ZNF106: variants seen among roughly 807,000 people sequenced by gnomAD.
The protein encoded by ZNF106 is zinc finger protein 106.
ZNF106 carries 67 observed loss-of-function variants against 195.1 expected under a neutral mutation model. The ratio of observed to expected loss-of-function variants is 0.34; its 90% confidence interval spans 0.28 to 0.42. The LOEUF (loss-of-function observed/expected upper bound fraction) is 0.42, where lower values mean the gene tolerates loss of function less well. Among genes scored for constraint, ZNF106 ranks in the 10% least tolerant of loss-of-function variants. ZNF106 has a pLI of 1.00. For missense variants in ZNF106, 2,118 were observed against 2,304.5 expected (o/e 0.92, Z 1.66); for synonymous variants, 784 against 818.6 (o/e 0.96, Z 0.72).
chr15:42,432,384 T>G (rs964959292), intron 14 of ZNF106, among the ~76,000 whole-genome samples: 3 of 151,490 alleles, frequency 2.0e-5, no homozygotes, highest in Non-Finnish European at 2.9e-5. Context: ...GTCTGGAACT[T>G]ACAGTCTCAA....
At position 42,442,173 on chromosome 15, in the gene ZNF106, C is replaced by T. The variant is rs762546797; in HGVS notation, c.3663G>A (p.Gln1221=). 1.9e-6 allele frequency: 3 copies of T among 1,614,162 alleles called. No individual in the cohort carries two copies. Among genetic ancestry groups the T allele is most frequent in the Non-Finnish European group, 2.5e-6 (3 of 1,180,034 alleles). Residue 1221 remains glutamine, a synonymous_variant, in exon 10 of 22, where the codon CAG becomes CAA. Transcript: ENST00000564754. ...GSVPAPDSSV[Q]IKQEPMSPEQ... ...CAGGAGACATGGGCTCTTGTTTAAT[C>T]TGAACTGATGAGTCTGGAGCAGGGA...
Position 42,444,241 on chromosome 15 carries a change from G to C in ZNF106, c.3382C>G (p.Leu1128Val). 6.2e-7 allele frequency: 1 copy of C among 1,610,010 alleles called. No homozygotes were observed. The highest frequency in any genetic ancestry group is 8.5e-7 in the Non-Finnish European group (1 of 1,177,902). ...KQQITMEMSA[L>V]RTHRIQILQG... is the part of the protein sequence containing the mutation. ...AGAATCTGTATTCTATGGGTCCTCA[G>C]TGCACTCATCTCCATAGTTATCTAA... The change falls in exon 9 of 22, where the codon CTG (leucine) becomes GTG (valine). Residue 1128 changes from leucine to valine, a missense_variant. Transcript: ENST00000564754.
At chr15:42,431,389 C>CT (rs552325544) in intron 14 of ZNF106, among the ~76,000 whole-genome samples, 2,229 of 121,072 alleles carry the variant, frequency 0.018, 72 homozygotes, top group African/African-American at 0.057. Context: ...TTATACGGTT[C>CT]TTTTTTTTTT....
chr15:42,487,154 A>G (rs1229699256), intron 1 of ZNF106, among the ~76,000 whole-genome samples: 1 of 151,940 alleles, frequency 6.6e-6, no homozygotes, highest in Non-Finnish European at 1.5e-5. Flanking sequence ...CCATCTTTAA[A>G]AAAATAAAAT....
chr15:42,469,394 A>G (rs1474323867), intron 2 of ZNF106, among the ~76,000 whole-genome samples: 2 of 152,216 alleles, frequency 1.3e-5, no homozygotes, highest in Non-Finnish European at 2.9e-5. Context: ...TACTATAAAA[A>G]TGTTATCACC....
chr15:42,427,598 T>C (rs201794413), intron 15 of ZNF106: 11 of 156,350 alleles, frequency 7.0e-5, no homozygotes, highest in South Asian at 3.9e-4. Context: ...TTTTAAAATA[T>C]GTAATGCTTC....
At position 42,474,003 on chromosome 15, in the gene ZNF106, C is replaced by A. The variant is rs1456408151; in HGVS notation, c.-32-1682G>T. ...AGGCCAGGTAAAAAAAGAACTGAGG[C>A]CCCCACTGAGTACCCAAACAACAAG... On this transcript the variant is annotated intron_variant, in intron 1 of 21. Transcript: ENST00000564754. Among the ~76,000 whole-genome samples the A allele has an allele frequency of 2.0e-5, 3 of 152,114 alleles. No individual in the cohort carries two copies. The East Asian group carries it at 5.8e-4, about 29-fold the overall frequency.
intron 2 of ZNF106, among the ~76,000 whole-genome samples, chr15:42,467,049 C>T (rs543558894): frequency 2.0e-5 from 3 of 152,096 alleles, no homozygotes; most frequent in Non-Finnish European, 4.4e-5. Context: ...AGGAGAATCG[C>T]TTGAACCCGG....
Position 42,448,535 on chromosome 15 carries a change from T to C in ZNF106, c.2672A>G (p.Asp891Gly). 1 of 1,614,114 alleles carries C rather than the reference T, an allele frequency of 6.2e-7. No individual in the cohort carries two copies. Among genetic ancestry groups the C allele is most frequent in the Non-Finnish European group, 8.5e-7 (1 of 1,180,022 alleles). ...GAAGCTATACACAGAAGGAGCTCTG[T>C]CCATGATCACGCTGCTCTCAGAAAG... ...RSLSESSVIM[D>G]RAPSVYSFFS... Residue 891 changes from aspartate (D) to glycine (G), a missense_variant, in exon 6 of 22, where the codon GAC (aspartate) becomes GGC (glycine). By Grantham distance (94) the Asp-to-Gly change is moderately conservative. Coordinates refer to ENST00000564754, the MANE Select transcript of ZNF106 (RefSeq NM_001366845.3).
At position 42,417,269 on chromosome 15, in the gene ZNF106, A is replaced by C; in HGVS notation, c.*35T>G. On this transcript the variant is annotated 3_prime_UTR_variant, in exon 22 of 22. Coordinates refer to ENST00000564754, the MANE Select transcript of ZNF106 (RefSeq NM_001366845.3). ...TGGGGGGCCAATGTGAAAATAGTTC[A>C]ACTAATGACTTCCCAACGTGGGAGG... 1 of 1,613,002 alleles carries C rather than the reference A, an allele frequency of 6.2e-7. No individual in the cohort carries two copies. The highest frequency in any genetic ancestry group is 8.5e-7 in the Non-Finnish European group (1 of 1,179,040).
intron 1 of ZNF106, among the ~76,000 whole-genome samples, chr15:42,482,122 TATC>T (rs1486986346): frequency 1.3e-5 from 2 of 152,210 alleles, no homozygotes; most frequent in Non-Finnish European, 2.9e-5. Flanking sequence ...TTATTTCAGA[TATC>T]ATATTTTTCA....
rs2056016392 is a variant in ZNF106 at position 42,451,245 on chromosome 15, C to G, written c.1027G>C (p.Glu343Gln). 2.5e-6 allele frequency: 4 copies of G among 1,613,996 alleles called. No homozygotes were observed. The highest frequency in any genetic ancestry group is 3.4e-6 in the Non-Finnish European group (4 of 1,180,030). The part of the protein sequence containing the change: ...GLLDFNFEQL[E>Q]SQTTKQADTA... ...TCTGCTTGTTTAGTGGTTTGGCTTTCCAGCTGCTCAAAATTGAAGTCGAGT... is the reference window on the plus strand; with the variant it reads ...TCTGCTTGTTTAGTGGTTTGGCTTTGCAGCTGCTCAAAATTGAAGTCGAGT... Residue 343 changes from glutamate (E) to glutamine (Q), a missense_variant, in exon 5 of 22, where the codon GAA becomes CAA. Physicochemically the swap from Glu to Gln is conservative, Grantham distance 29. Transcript: ENST00000564754.
At chr15:42,469,324 T>C (rs4924679) in intron 2 of ZNF106, among the ~76,000 whole-genome samples, 10,919 of 152,272 alleles carry the variant, frequency 0.072, 845 homozygotes, top group Admixed American at 0.16. Context: ...AACAAAACCA[T>C]TCCTGACCAA....
chr15:42,481,974 C>G (rs1257327976), intron 1 of ZNF106, among the ~76,000 whole-genome samples: 1 of 152,096 alleles, frequency 6.6e-6, no homozygotes, highest in African/African-American at 2.4e-5. Context: ...ATTAAATGTG[C>G]TAGGTTTTTA....
At chr15:42,460,475 T>C (rs552629540) in intron 3 of ZNF106, among the ~76,000 whole-genome samples, 14 of 152,318 alleles carry the variant, frequency 9.2e-5, no homozygotes, top group Non-Finnish European at 2.1e-4. Context: ...CATTTTGCAA[T>C]CCTAGTGAGA....
intron 1 of ZNF106, among the ~76,000 whole-genome samples, chr15:42,480,924 G>A (rs1337533128): frequency 6.6e-6 from 1 of 152,148 alleles, no homozygotes; most frequent in East Asian, 1.9e-4. Flanking sequence ...GGCAGAGGTT[G>A]CAGTGAACAG....
At position 42,415,739 on chromosome 15, in the gene ZNF106, G is replaced by GTTTTTT; in HGVS notation, c.*1559_*1564dup. 6.7e-6 allele frequency: 1 copy of GTTTTTT among 149,660 alleles called. No individual in the cohort carries two copies. The highest frequency in any genetic ancestry group is 1.4e-5 in the Non-Finnish European group (1 of 69,562). The allele number at this position is 149,660 out of a possible 1,614,324, so 9.3% of individuals were successfully genotyped here. A position where few individuals can be genotyped will look rare whatever the true frequency, so the allele number is the denominator to read the frequency against. On this transcript the variant is annotated 3_prime_UTR_variant, in exon 22 of 22. Transcript: ENST00000564754. The stretch of plus-strand genomic sequence containing the variant: ...AATTTTATCTCTCTGAAGAAGCTGA[G>GTTTTTT]TTTTTTTTTTTTTTTTTGAGACGGA...
At chr15:42,463,262 C>CA (rs895298562) in intron 3 of ZNF106, among the ~76,000 whole-genome samples, 45 of 151,992 alleles carry the variant, frequency 3.0e-4, no homozygotes, top group African/African-American at 9.9e-4. Context: ...GTAAGTCACC[C>CA]ATAATAAAAT....
At chr15:42,433,094 G>A (rs565892337) in intron 14 of ZNF106, among the ~76,000 whole-genome samples, 30 of 151,920 alleles carry the variant, frequency 2.0e-4, no homozygotes, top group Non-Finnish European at 3.5e-4. Context: ...CTTGTATTAA[G>A]TATATTTTTA....
Sources: gnomAD v4.1 joint callset for allele counts (sites outside exome capture counted in the v4.1 genomes callset) on GRCh38, gnomAD v4.1.1 for gene constraint, MANE v1.5 for transcripts, NCBI Gene and HGNC (gene_info 2026-07-23, HGNC 2026-07-21) for gene names.